DAP: variants seen among roughly 807,000 people sequenced by gnomAD.
The protein encoded by DAP is death associated protein.
In DAP, 8 loss-of-function variants were observed where a neutral mutation model predicts 13.8. The ratio of observed to expected loss-of-function variants is 0.58; its 90% CI spans 0.34 to 1.05. The LOEUF (loss-of-function observed/expected upper bound fraction) is 1.05. Among genes scored for constraint, DAP ranks in the 50% least tolerant of loss-of-function variants. The probability of loss-of-function intolerance (pLI) is 0.03; values close to 1 mark genes in which losing one functional copy is unlikely to be tolerated. For missense variants in DAP, 106 were observed against 133.2 expected (o/e 0.80, Z 1.01); for synonymous variants, 47 against 47.5 (o/e 0.99, Z 0.04).
At chr5:10,720,982 AAAG>A (rs1467803339) in intron 2 of DAP, among the ~76,000 whole-genome samples, 1 of 152,374 alleles carries the variant, frequency 6.6e-6, no homozygotes, top group Admixed American at 6.5e-5. Context: ...CTTTATGACT[AAAG>A]AAGTCTGACA....
chr5:10,719,668 C>T (rs1210477959), intron 2 of DAP, among the ~76,000 whole-genome samples: 1 of 152,180 alleles, frequency 6.6e-6, no homozygotes, highest in Non-Finnish European at 1.5e-5. Context: ...ATTCCATCAT[C>T]GAATGGAAGT....
At chr5:10,733,767 A>T (rs181869703) in intron 2 of DAP, 1 of 152,386 alleles carries the variant, frequency 6.6e-6, no homozygotes, top group African/African-American at 2.4e-5. Flanking sequence ...CAACTGGAAA[A>T]TAAGAAGTAA....
chr5:10,758,824 C>G (rs995941330), intron 1 of DAP, among the ~76,000 whole-genome samples: 1 of 152,236 alleles, frequency 6.6e-6, no homozygotes, highest in Non-Finnish European at 1.5e-5. Context: ...CTGTAATTCA[C>G]AAAGCCTAGC....
chr5:10,757,992 G>A (rs555778411), intron 1 of DAP, among the ~76,000 whole-genome samples: 1 of 152,112 alleles, frequency 6.6e-6, no homozygotes, highest in Non-Finnish European at 1.5e-5. Context: ...CAGGAGATAT[G>A]GGCCAGACAG....
At chr5:10,757,784 G>C (rs1302541778) in intron 1 of DAP, among the ~76,000 whole-genome samples, 2 of 152,158 alleles carry the variant, frequency 1.3e-5, no homozygotes, top group Non-Finnish European at 2.9e-5. Context: ...TCAGAGTTGA[G>C]GAAGGTGTGG....
intron 2 of DAP, among the ~76,000 whole-genome samples, chr5:10,711,723 G>A (rs1235328209): frequency 2.0e-5 from 3 of 152,162 alleles, no homozygotes; most frequent in African/African-American, 7.2e-5. Flanking sequence ...TTCTCACACA[G>A]TGCTCTGAAT....
At chr5:10,720,153 A>G (rs1739101056) in intron 2 of DAP, among the ~76,000 whole-genome samples, 2 of 152,198 alleles carry the variant, frequency 1.3e-5, no homozygotes, top group Non-Finnish European at 2.9e-5. Context: ...GACTTTATAC[A>G]TAATACCTTT....
chr5:10,725,457 T>C (rs72742384), intron 2 of DAP, among the ~76,000 whole-genome samples: 37 of 152,306 alleles, frequency 2.4e-4, no homozygotes, highest in African/African-American at 7.7e-4. Context: ...GGGCAGCTGC[T>C]GACCTTCAGG....
chr5:10,759,602 T>A (rs896198651), intron 1 of DAP, among the ~76,000 whole-genome samples: 2 of 152,232 alleles, frequency 1.3e-5, no homozygotes, highest in African/African-American at 4.8e-5. Flanking sequence ...CAGTTAGTTT[T>A]GTTGTAGAGA....
At chr5:10,709,938 A>G (rs904463492) in intron 2 of DAP, among the ~76,000 whole-genome samples, 3 of 152,146 alleles carry the variant, frequency 2.0e-5, no homozygotes, top group African/African-American at 7.2e-5. Flanking sequence ...ACATTTCTAT[A>G]TACTACATAA....
intron 3 of DAP, among the ~76,000 whole-genome samples, chr5:10,681,620 A>G (rs187314764): frequency 1.1e-4 from 16 of 150,136 alleles, no homozygotes; most frequent in Admixed American, 2.0e-4. Context: ...TCCCTGCAGG[A>G]AGCATGGTGT....
At chr5:10,756,971 A>G (rs1481636866) in intron 1 of DAP, among the ~76,000 whole-genome samples, 1 of 152,238 alleles carries the variant, frequency 6.6e-6, no homozygotes, top group African/African-American at 2.4e-5. Context: ...TAAGGTCTCA[A>G]ATCATTAAGG....
At chr5:10,711,846 G>T (rs763217460) in intron 2 of DAP, among the ~76,000 whole-genome samples, 4 of 152,230 alleles carry the variant, frequency 2.6e-5, no homozygotes, top group Admixed American at 2.6e-4. Context: ...CAAGCACTGC[G>T]TGGGTACAAA....
At chr5:10,734,845 T>C (rs892346790) in intron 2 of DAP, among the ~76,000 whole-genome samples, 24 of 152,314 alleles carry the variant, frequency 1.6e-4, no homozygotes, top group Admixed American at 3.9e-4. Context: ...TGAAGATATA[T>C]TCTATTTACA....
rs139568452 is a variant in DAP at position 10,695,704 on chromosome 5, A to G, written c.153-12133T>C. On this transcript the variant is annotated intron_variant, in intron 2 of 3. Coordinates refer to ENST00000230895, the MANE Select transcript of DAP (RefSeq NM_004394.3). ...GCTTCCAGGACACTGTGATTTCAGGACAAAACTTCATCTCAACCTGTTCTT... is the reference window on the plus strand; with the variant it reads ...GCTTCCAGGACACTGTGATTTCAGGGCAAAACTTCATCTCAACCTGTTCTT... 7.7e-3 allele frequency among the ~76,000 whole-genome samples: 1,175 copies of G among 152,252 alleles called. 15 individuals are homozygous for G. Among genetic ancestry groups the G allele is most frequent in the African/African-American group, 0.027 (1,121 of 41,524 alleles).
chr5:10,721,727 T>C (rs561880753), intron 2 of DAP, among the ~76,000 whole-genome samples: 19 of 152,282 alleles, frequency 1.2e-4, no homozygotes, highest in Middle Eastern at 3.4e-3. Context: ...GAATACAGAT[T>C]GGGTAGAAGA....
At chr5:10,759,744 C>CTTTTTTTTTTTT (rs1169454640) in intron 1 of DAP, among the ~76,000 whole-genome samples, 1 of 88,228 alleles carries the variant, frequency 1.1e-5, no homozygotes, top group Non-Finnish European at 2.0e-5. Context: ...TAATGGGAAT[C>CTTTTTTTTTTTT]TTTTTTTTTT....
At chr5:10,714,459 T>TA (rs888454615) in intron 2 of DAP, among the ~76,000 whole-genome samples, 2 of 152,226 alleles carry the variant, frequency 1.3e-5, no homozygotes, top group African/African-American at 4.8e-5. Context: ...TATTAAATCT[T>TA]AAAAAAAATT....
At chr5:10,708,759 G>A (rs3776418) in intron 2 of DAP, among the ~76,000 whole-genome samples, 11,333 of 152,310 alleles carry the variant, frequency 0.074, 641 homozygotes, top group East Asian at 0.29. Context: ...ATAGGAATGC[G>A]TTTGGGGTCA....
Sources: allele counts gnomAD v4.1 joint callset (sites outside exome capture counted in the v4.1 genomes callset), GRCh38; gene constraint gnomAD v4.1.1; transcripts MANE v1.5; gene names NCBI Gene and HGNC (gene_info 2026-07-23, HGNC 2026-07-21).